LTBP1: variants seen among roughly 807,000 people sequenced by gnomAD.
LTBP1 encodes latent-transforming growth factor beta-binding protein 1.
Under a neutral mutation model 207.6 loss-of-function variants are expected in LTBP1, and 129 were observed. That is an observed-to-expected ratio of 0.62 (90% CI 0.54 to 0.72). The LOEUF (loss-of-function observed/expected upper bound fraction) is 0.72. LTBP1 is among the 30% of genes least tolerant of loss of function. LTBP1 has a pLI of 0.00. For missense variants in LTBP1, 2,281 were observed against 2,217.2 expected (o/e 1.03, Z -0.58); for synonymous variants, 963 against 833.7 (o/e 1.16, Z -2.67).
chr2:33,332,666 C>T (rs968959417), intron 24 of LTBP1, among the ~76,000 whole-genome samples: 5 of 151,914 alleles, frequency 3.3e-5, no homozygotes, highest in African/African-American at 4.8e-5. Flanking sequence ...ACGCCATTCT[C>T]CTGCCTCAGC....
chr2:33,043,994 C>A (rs1031340458), intron 3 of LTBP1, among the ~76,000 whole-genome samples: 2 of 151,202 alleles, frequency 1.3e-5, no homozygotes, highest in Non-Finnish European at 2.9e-5. Flanking sequence ...TCAGGTGATT[C>A]CACTGACTCT....
chr2:33,303,592 C>A (rs552066486), intron 22 of LTBP1, among the ~76,000 whole-genome samples: 5 of 152,086 alleles, frequency 3.3e-5, no homozygotes, highest in Admixed American at 6.6e-5. Flanking sequence ...CCTCGTGATC[C>A]GCCCATCTCG....
intron 9 of LTBP1, among the ~76,000 whole-genome samples, chr2:33,234,910 G>A (rs945977361): frequency 6.6e-6 from 1 of 151,940 alleles, no homozygotes; most frequent in Non-Finnish European, 1.5e-5. Flanking sequence ...CAAGATGGAT[G>A]AAAGACTTAA....
chr2:32,971,064 G>A (rs1680800841), intron 2 of LTBP1, among the ~76,000 whole-genome samples: 2 of 149,620 alleles, frequency 1.3e-5, no homozygotes, highest in East Asian at 3.9e-4. Flanking sequence ...TTTGTAAATG[G>A]GATTGCATTC....
At chr2:33,311,881 G>T (rs914181461) in intron 23 of LTBP1, among the ~76,000 whole-genome samples, 2 of 152,060 alleles carry the variant, frequency 1.3e-5, no homozygotes, top group African/African-American at 4.8e-5. Flanking sequence ...AATTGACTTC[G>T]TTCTCTGTCA....
At chr2:33,012,815 CTG>C (rs1259583465) in intron 2 of LTBP1, among the ~76,000 whole-genome samples, 1 of 152,158 alleles carries the variant, frequency 6.6e-6, no homozygotes, top group African/African-American at 2.4e-5. Context: ...AGTTTACAGT[CTG>C]TAAAACCCAA....
chr2:33,323,834 T>G (rs2094390677), intron 24 of LTBP1, among the ~76,000 whole-genome samples: 1 of 152,190 alleles, frequency 6.6e-6, no homozygotes, highest in African/African-American at 2.4e-5. Context: ...CCTTCCCTAT[T>G]TTTTGAAGAC....
chr2:32,994,092 C>T (rs529413988), intron 2 of LTBP1, among the ~76,000 whole-genome samples: 98 of 151,788 alleles, frequency 6.5e-4, no homozygotes, highest in Non-Finnish European at 1.2e-3. Flanking sequence ...GTAGTGCCCT[C>T]GTCATTTATT....
At chr2:33,037,757 G>A (rs991405770) in intron 3 of LTBP1, among the ~76,000 whole-genome samples, 5 of 152,024 alleles carry the variant, frequency 3.3e-5, no homozygotes, top group African/African-American at 9.7e-5. Context: ...TCACTCTGTC[G>A]CTCAGGCTAG....
At chr2:33,081,888 A>G (rs1166866305) in intron 3 of LTBP1, among the ~76,000 whole-genome samples, 3 of 152,152 alleles carry the variant, frequency 2.0e-5, no homozygotes, top group Non-Finnish European at 2.9e-5. Context: ...TCCTGCTGCC[A>G]TGTGAAGAAG....
At chr2:33,366,621 C>T (rs929483992) in intron 31 of LTBP1, among the ~76,000 whole-genome samples, 3 of 152,206 alleles carry the variant, frequency 2.0e-5, no homozygotes, top group African/African-American at 4.8e-5. Context: ...AGTCTGGAAT[C>T]CAGCACTGCC....
intron 3 of LTBP1, among the ~76,000 whole-genome samples, chr2:33,054,770 G>C (rs28895911): frequency 0.14 from 21,123 of 152,112 alleles, 1,600 homozygotes; most frequent in South Asian, 0.21. Flanking sequence ...GTAGTTAAAT[G>C]TACCCGGGGC....
At chr2:33,169,775 G>C (rs1039334323) in intron 5 of LTBP1, among the ~76,000 whole-genome samples, 2 of 152,094 alleles carry the variant, frequency 1.3e-5, no homozygotes, top group African/African-American at 4.8e-5. Flanking sequence ...ACCAACACGA[G>C]AGTAATTTAA....
intron 24 of LTBP1, among the ~76,000 whole-genome samples, chr2:33,328,162 T>TAAATAAAATAAAATA (rs1412782478): frequency 1.4e-4 from 21 of 145,914 alleles, no homozygotes; most frequent in African/African-American, 4.9e-4. Flanking sequence ...AATAAATAAA[T>TAAATAAAATAAAATA]AAATAAAATA....
Position 33,188,786 on chromosome 2 carries a change from C to G in LTBP1, c.1636C>G (p.His546Asp). 6.2e-7 allele frequency: 1 copy of G among 1,614,200 alleles called. No individual in the cohort carries two copies. The highest frequency in any genetic ancestry group is 8.5e-7 in the Non-Finnish European group (1 of 1,180,038). ...ATACTCCCACCAGCAGGTCATTCCT[C>G]ACGTCTACCCCGTGGCTGCTAAGAC... ...STYSHQQVIP[H>D]VYPVAAKTQL... The change falls in exon 7 of 34, where the codon CAC becomes GAC. Residue 546 changes from histidine to aspartate, a missense_variant. Physicochemically the swap from His to Asp is moderately conservative, Grantham distance 81 (BLOSUM62 -1). Around this residue, in one of 3 missense-constraint regions of LTBP1, gnomAD observed 1,671 missense variants for 1,634.8 expected, o/e 1.02. Transcript: ENST00000404816.
chr2:32,997,264 G>T (rs1011519694), intron 2 of LTBP1, among the ~76,000 whole-genome samples: 5 of 152,040 alleles, frequency 3.3e-5, no homozygotes, highest in Non-Finnish European at 5.9e-5. Flanking sequence ...TAATCTCACC[G>T]CTTTGGGAGG....
In LTBP1 at chr2:33,242,346, C is replaced by A. The variant is rs549155568; in HGVS notation, c.1877-1316C>A. ...CTTTGTAAAATCACTTCATTTATAT[C>A]TCTCCTCTTTCAAATCGCTTTGATT... On this transcript the variant is annotated intron_variant, in intron 9 of 33. Transcript: ENST00000404816. Among the ~76,000 whole-genome samples, 10 of 152,212 alleles carry A rather than the reference C, an allele frequency of 6.6e-5. No homozygotes were observed. The South Asian group carries it at 2.1e-3, about 32-fold the overall frequency.
At chr2:32,965,621 C>G (rs1178579294) in intron 2 of LTBP1, among the ~76,000 whole-genome samples, 1 of 152,196 alleles carries the variant, frequency 6.6e-6, no homozygotes, top group Non-Finnish European at 1.5e-5. Flanking sequence ...GTAATAGCCA[C>G]TTAAAGTTCC....
chr2:32,975,565 A>AGGTTTCATT (rs1430160187), intron 2 of LTBP1, among the ~76,000 whole-genome samples: 1 of 74,492 alleles, frequency 1.3e-5, no homozygotes, highest in Non-Finnish European at 2.6e-5. Context: ...TATTTGTTGG[A>AGGTTTCATT]GGTTTCATTC....
Sources: allele counts gnomAD v4.1 joint callset (sites outside exome capture counted in the v4.1 genomes callset), GRCh38; gene constraint gnomAD v4.1.1; regional missense constraint gnomAD v4.1.1; transcripts MANE v1.5; gene names NCBI Gene and HGNC (gene_info 2026-07-23, HGNC 2026-07-21).